The following LARP1B variants were observed in gnomAD, a reference collection of about 807,000 sequenced individuals.
LARP1B encodes the protein La ribonucleoprotein 1B.
In LARP1B, 76 loss-of-function variants were observed where a neutral mutation model predicts 114.2. That is an observed-to-expected ratio of 0.67 (90% CI 0.55 to 0.81). The LOEUF (loss-of-function observed/expected upper bound fraction) is 0.81, where lower values mean the gene tolerates loss of function less well. Among genes scored for constraint, LARP1B ranks in the 30% least tolerant of loss-of-function variants. The probability of loss-of-function intolerance (pLI) is 0.00; values close to 1 mark genes in which losing one functional copy is unlikely to be tolerated. For missense variants in LARP1B, 1,014 were observed against 1,075.8 expected, an observed-to-expected ratio of 0.94 and a Z score of 0.80; for synonymous variants, 345 against 348.0, an observed-to-expected ratio of 0.99 and a Z score of 0.10.
intron 7 of LARP1B, among the ~76,000 whole-genome samples, chr4:128,095,742 C>T (rs1367895308): frequency 1.3e-5 from 2 of 152,012 alleles, no homozygotes; most frequent in African/African-American, 4.8e-5. Context: ...GGCCCATATA[C>T]TTCAAGGGCA....
At chr4:128,207,448 C>T (rs1757908175) in intron 19 of LARP1B, 65 bp downstream of exon 19, 1 of 1,089,592 alleles carries the variant, frequency 9.2e-7, no homozygotes, top group African/African-American at 1.6e-5. Flanking sequence ...TTATCAGTGA[C>T]TTTTTAAGCT....
In LARP1B at chr4:128,210,412, A is replaced by G. The variant is rs547616698; in HGVS notation, c.*359A>G. The G allele has an allele frequency of 1.6e-4, 166 of 1,050,082 alleles. No individual in the cohort carries two copies. In the African/African-American group the frequency reaches 2.5e-3, roughly 16 times the overall value. 65.0% of individuals were successfully genotyped at this position (1,050,082 alleles called of 1,614,324 possible). A position where few individuals can be genotyped will look rare whatever the true frequency, so the allele number is the denominator to read the frequency against. On this transcript the variant is annotated 3_prime_UTR_variant, in exon 20 of 20. Coordinates refer to ENST00000326639, the MANE Select transcript of LARP1B (RefSeq NM_018078.4). ...TTAAAAAACAATACAAGGAATGCCT[A>G]ACATTTCAGCTCATACTTCTTAAAG...
At chr4:128,187,498 A>T (rs774526107) in intron 15 of LARP1B, among the ~76,000 whole-genome samples, 1 of 152,222 alleles carries the variant, frequency 6.6e-6, no homozygotes, top group Non-Finnish European at 1.5e-5. Flanking sequence ...GTATTTACCC[A>T]AGGCCTATAC....
In LARP1B at chr4:128,099,221, GCCAATTTCTTT is replaced by G. The variant is rs373327856; in HGVS notation, c.813+894_813+904del. Among the ~76,000 whole-genome samples, 58 of 147,418 alleles carry G rather than the reference GCCAATTTCTTT, an allele frequency of 3.9e-4. 1 individual carries two copies. In the East Asian group the frequency reaches 0.012, roughly 29 times the overall value. Reference sequence around the variant, plus strand: ...TGCTTTCAACATCTTTTTTTTTCTAGCCAATTTCTTTCCCTACACACAACCCTTGGTAACCA... The same window carrying G: ...TGCTTTCAACATCTTTTTTTTTCTAGCCCTACACACAACCCTTGGTAACCA... On this transcript the variant is annotated intron_variant, in intron 8 of 19. Transcript: ENST00000326639.
intron 11 of LARP1B, among the ~76,000 whole-genome samples, chr4:128,158,885 C>G (rs1255373980): frequency 2.6e-5 from 4 of 151,810 alleles, no homozygotes; most frequent in African/African-American, 9.7e-5. Context: ...AACTATAGCA[C>G]AATGCTGGGC....
At chr4:128,093,978 T>C (rs1435326178) in intron 7 of LARP1B, among the ~76,000 whole-genome samples, 2 of 152,092 alleles carry the variant, frequency 1.3e-5, no homozygotes, top group Non-Finnish European at 2.9e-5. Flanking sequence ...CCCAGAGTGC[T>C]GGGATTACAG....
intron 11 of LARP1B, among the ~76,000 whole-genome samples, chr4:128,158,300 T>C (rs1736793911): frequency 6.6e-6 from 1 of 152,152 alleles, no homozygotes; most frequent in Non-Finnish European, 1.5e-5. Context: ...AAAATGTGAA[T>C]GCAGTTTAGA....
chr4:128,077,046 T>G (rs1768206662), intron 3 of LARP1B, among the ~76,000 whole-genome samples: 1 of 152,022 alleles, frequency 6.6e-6, no homozygotes, highest in Non-Finnish European at 1.5e-5. Context: ...GATAATATGG[T>G]CAAGTTTCAA....
chr4:128,076,837 C>T lies in LARP1B; in HGVS notation c.43-951C>T, dbSNP rs565111841. On this transcript the variant is annotated intron_variant, in intron 3 of 19. Transcript: ENST00000326639. ...ACCTCCTGGGCTCAAGTGACCCCCC[C>T]ACCTCAGCCCCATAAGTAGCTGCGA... Among the ~76,000 whole-genome samples, 6 of 152,136 alleles carry T rather than the reference C, an allele frequency of 3.9e-5. No individual in the cohort carries two copies. The East Asian group carries it at 1.2e-3, about 29-fold the overall frequency.
chr4:128,138,161 C>G (rs1726296558), intron 11 of LARP1B, among the ~76,000 whole-genome samples: 1 of 151,770 alleles, frequency 6.6e-6, no homozygotes, highest in Non-Finnish European at 1.5e-5. Context: ...ATCTAACGCA[C>G]AATAGAGGAT....
chr4:128,216,893 G>A (rs187706283), downstream of LARP1B, among the ~76,000 whole-genome samples: 70 of 152,152 alleles, frequency 4.6e-4, no homozygotes, highest in East Asian at 6.0e-3. Flanking sequence ...TTGATAGACC[G>A]CTAGCAAGAC....
intron 11 of LARP1B, among the ~76,000 whole-genome samples, chr4:128,137,145 TA>T (rs1189574677): frequency 1.3e-5 from 2 of 151,644 alleles, no homozygotes; most frequent in Admixed American, 6.6e-5. Flanking sequence ...TGACTTTAAT[TA>T]AAAAAACTCC....
chr4:128,194,272 G>GTC (rs1166200477), intron 15 of LARP1B, among the ~76,000 whole-genome samples: 1 of 151,932 alleles, frequency 6.6e-6, no homozygotes, highest in East Asian at 2.0e-4. Flanking sequence ...GGGTTTCACC[G>GTC]TGTTGGCCAG....
At chr4:128,173,069 TTA>T (rs1744495499) in intron 12 of LARP1B, among the ~76,000 whole-genome samples, 1 of 152,172 alleles carries the variant, frequency 6.6e-6, no homozygotes, top group Admixed American at 6.5e-5. Context: ...TTTAATATGC[TTA>T]TGTTTTTCTG....
chr4:128,108,672 TG>T (rs1361835056), intron 9 of LARP1B: 71 of 984,064 alleles, frequency 7.2e-5, no homozygotes, highest in Non-Finnish European at 4.2e-5. Context: ...ATTTATTTTT[TG>T]TTAAGATATA....
chr4:128,119,289 C>G (rs34823354), intron 10 of LARP1B, among the ~76,000 whole-genome samples: 91,589 of 151,994 alleles, frequency 0.6, 28,496 homozygotes, highest in Middle Eastern at 0.8. Flanking sequence ...ACAAAAAAAG[C>G]AGTACTTTTC....
chr4:128,104,335 G>A (rs1240347183), intron 8 of LARP1B, among the ~76,000 whole-genome samples: 1 of 152,074 alleles, frequency 6.6e-6, no homozygotes, highest in Admixed American at 6.6e-5. Context: ...TATTTCTGAA[G>A]TTATTTCTGT....
intron 1 of LARP1B, among the ~76,000 whole-genome samples, chr4:128,071,507 C>T (rs1197775258): frequency 6.6e-5 from 10 of 151,024 alleles, no homozygotes; most frequent in African/African-American, 1.5e-4. Context: ...CTGCAACCTC[C>T]GTCTCCTGGG....
chr4:128,176,297 AT>A (rs1223683296), intron 12 of LARP1B, among the ~76,000 whole-genome samples: 4 of 145,256 alleles, frequency 2.8e-5, no homozygotes, highest in Admixed American at 2.1e-4. Context: ...ATATATATAT[AT>A]ATATTTTTTT....
Sources: gnomAD v4.1 joint callset for allele counts (sites outside exome capture counted in the v4.1 genomes callset) on GRCh38, gnomAD v4.1.1 for gene constraint, MANE v1.5 for transcripts, NCBI Gene and HGNC (gene_info 2026-07-23, HGNC 2026-07-21) for gene names.